PDCD10: variants seen among roughly 807,000 people sequenced by gnomAD.
PDCD10 encodes programmed cell death 10.
Under a neutral mutation model 29.2 loss-of-function variants are expected in PDCD10, and 4 were observed. The ratio of observed to expected loss-of-function variants is 0.14; its 90% CI spans 0.07 to 0.31. The LOEUF (loss-of-function observed/expected upper bound fraction) is 0.31, where lower values mean the gene tolerates loss of function less well. PDCD10 is among the 10% of genes least tolerant of loss of function. The pLI, the probability that PDCD10 is intolerant of heterozygous loss-of-function variation, is 1.00. For missense variants in PDCD10, 183 were observed against 257.9 expected (o/e 0.71, Z 1.99); for synonymous variants, 70 against 82.2 (o/e 0.85, Z 0.80).
intron 4 of PDCD10, chr3:167,697,910 G>A (rs2108412642): frequency 2.2e-6 from 1 of 456,494 alleles, no homozygotes; most frequent in Non-Finnish European, 4.4e-6. Context: ...AATCACACTT[G>A]ATGTTTGTTT....
chr3:167,688,573 A>AT (rs1393457266), intron 6 of PDCD10, among the ~76,000 whole-genome samples: 2 of 152,048 alleles, frequency 1.3e-5, no homozygotes, highest in Admixed American at 6.6e-5. Flanking sequence ...TGATTTCCAC[A>AT]TTTTAACCTC....
chr3:167,725,541 G>A (rs1204027385), intron 2 of PDCD10: 1 of 151,672 alleles, frequency 6.6e-6, no homozygotes, highest in East Asian at 1.9e-4. Flanking sequence ...TGAGCTTGAT[G>A]TCTTAAGGAT....
intron 2 of PDCD10, among the ~76,000 whole-genome samples, 196 bp from the exon 3 acceptor site, chr3:167,720,469 A>C (rs376909722): frequency 2.4e-4 from 36 of 152,208 alleles, no homozygotes; most frequent in African/African-American, 8.4e-4. Context: ...CCCTTTCCTA[A>C]AGTCCTTGGT....
At chr3:167,704,116 C>T (rs1052370382) in intron 4 of PDCD10, among the ~76,000 whole-genome samples, 3 of 152,204 alleles carry the variant, frequency 2.0e-5, no homozygotes, top group African/African-American at 7.2e-5. Context: ...ATATTTAATT[C>T]ACCATATTTG....
chr3:167,728,021 T>C (rs769959920), intron 2 of PDCD10, among the ~76,000 whole-genome samples: 2 of 152,208 alleles, frequency 1.3e-5, no homozygotes, highest in South Asian at 2.1e-4. Context: ...CAAATACTAT[T>C]TCTTACAAGA....
rs547132841 is a variant in PDCD10, at chr3:167,685,620, A to G, written c.558-1231T>C. On this transcript the variant is annotated intron_variant, in intron 8 of 8. Transcript: ENST00000392750. The stretch of plus-strand genomic sequence containing the variant: ...AAGTAGTAGCAACGACACTGAATCC[A>G]TATGCAGAGTAAATAATTTCAATTA... Among the ~76,000 whole-genome samples, 36 of 152,300 alleles carry G rather than the reference A, an allele frequency of 2.4e-4. No homozygotes were observed. In the South Asian group the frequency reaches 7.5e-3, roughly 32 times the overall value.
intron 3 of PDCD10, among the ~76,000 whole-genome samples, chr3:167,715,445 A>G (rs1433612051): frequency 6.6e-6 from 1 of 151,994 alleles, no homozygotes; most frequent in East Asian, 1.9e-4. Flanking sequence ...TCTGCAGACA[A>G]AGGAAACAAT....
intron 4 of PDCD10, chr3:167,697,897 T>C (rs544371087): frequency 6.6e-6 from 3 of 456,288 alleles, no homozygotes; most frequent in African/African-American, 6.0e-5. Flanking sequence ...CAGTAAATTC[T>C]GTAATCACAC....
intron 4 of PDCD10, among the ~76,000 whole-genome samples, chr3:167,702,413 G>A (rs916006131): frequency 6.6e-6 from 1 of 152,168 alleles, no homozygotes; most frequent in African/African-American, 2.4e-5. Flanking sequence ...TAAGAATACA[G>A]TATGTAATAT....
At chr3:167,699,885 T>G (rs1473920515) in intron 4 of PDCD10, among the ~76,000 whole-genome samples, 13 of 152,064 alleles carry the variant, frequency 8.5e-5, no homozygotes, top group Non-Finnish European at 2.9e-5. Flanking sequence ...TTGAAAAAAC[T>G]TATAGACAAA....
chr3:167,686,373 T>C (rs1169910912), intron 8 of PDCD10, among the ~76,000 whole-genome samples: 3 of 152,200 alleles, frequency 2.0e-5, no homozygotes, highest in Admixed American at 1.3e-4. Flanking sequence ...AAAGCCTCTT[T>C]CCAGGAGAGT....
intron 8 of PDCD10, among the ~76,000 whole-genome samples, chr3:167,685,398 A>G (rs1374545176): frequency 2.3e-5 from 2 of 86,060 alleles, no homozygotes; most frequent in Non-Finnish European, 5.2e-5. Flanking sequence ...TCTGTCTCCA[A>G]AAAAAAAAAA....
intron 2 of PDCD10, among the ~76,000 whole-genome samples, chr3:167,730,355 G>T (rs887608501): frequency 1.3e-5 from 2 of 152,074 alleles, no homozygotes; most frequent in Non-Finnish European, 2.9e-5. Context: ...TACTTATCAT[G>T]TAAGTGGCTT....
At chr3:167,731,885 T>G (rs1409299418) in intron 2 of PDCD10, among the ~76,000 whole-genome samples, 1 of 152,092 alleles carries the variant, frequency 6.6e-6, no homozygotes. Flanking sequence ...GAAAACTGAC[T>G]ACCAGGTGGC....
Position 167,704,701 on chromosome 3 carries a change from G to A in PDCD10, c.150+141C>T. The A allele has an allele frequency of 1.9e-5, 12 of 647,512 alleles. 1 individual carries two copies. The South Asian group carries it at 2.0e-4, about 11-fold the overall frequency. The allele number at this position is 647,512 out of a possible 1,614,324, so 40.1% of individuals were successfully genotyped here. On this transcript the variant is annotated intron_variant, in intron 4 of 8. Transcript: ENST00000392750. ...AGTTTATCTTTTGGAAGTGTTTTAAGCTTTATGGAATATAGTAAAACAGGC... is the reference window on the plus strand; with the variant it reads ...AGTTTATCTTTTGGAAGTGTTTTAAACTTTATGGAATATAGTAAAACAGGC...
At chr3:167,729,607 G>A (rs947846434) in intron 2 of PDCD10, among the ~76,000 whole-genome samples, 2 of 152,122 alleles carry the variant, frequency 1.3e-5, no homozygotes, top group Admixed American at 6.5e-5. Flanking sequence ...AAGGGTTGTC[G>A]TAAGGATTAT....
intron 2 of PDCD10, among the ~76,000 whole-genome samples, chr3:167,728,447 C>G (rs934504417): frequency 6.6e-6 from 1 of 152,148 alleles, no homozygotes; most frequent in Admixed American, 6.5e-5. Context: ...TAACTTCAAT[C>G]TCAGTTGAAT....
chr3:167,731,116 A>T (rs1212484061), intron 2 of PDCD10: 2 of 152,214 alleles, frequency 1.3e-5, no homozygotes, highest in South Asian at 4.1e-4. Context: ...TTTTAGTTTA[A>T]TAAGTAAATT....
chr3:167,685,487 G>A (rs1043046007), intron 8 of PDCD10, among the ~76,000 whole-genome samples: 1 of 149,670 alleles, frequency 6.7e-6, no homozygotes, highest in Non-Finnish European at 1.5e-5. Context: ...ATGGCCTAAA[G>A]ATCAGGTTCT....
Sources: gnomAD v4.1 joint callset for allele counts (sites outside exome capture counted in the v4.1 genomes callset) on GRCh38, gnomAD v4.1.1 for gene constraint, MANE v1.5 for transcripts, NCBI Gene and HGNC (gene_info 2026-07-23, HGNC 2026-07-21) for gene names.